ADAMTSL1: variants seen among roughly 807,000 people sequenced by gnomAD.
The protein encoded by ADAMTSL1 is ADAMTS like 1, also known as ADAMTS-like protein 1.
Under a neutral mutation model 201.8 loss-of-function variants are expected in ADAMTSL1, and 126 were observed. The ratio of observed to expected loss-of-function variants is 0.62; its 90% CI spans 0.54 to 0.72. The LOEUF (loss-of-function observed/expected upper bound fraction) is 0.72, where lower values mean the gene tolerates loss of function less well. ADAMTSL1 is among the 30% of genes least tolerant of loss of function. ADAMTSL1 has a pLI of 0.00. For missense variants in ADAMTSL1, 2,679 were observed against 2,277.8 expected (o/e 1.18, Z -3.59); for synonymous variants, 1,121 against 903.4 (o/e 1.24, Z -4.32).
At chr9:18,067,401 C>CTCTTCCTCCACCTCG (rs1336433782) in intron 1 of ADAMTSL1, among the ~76,000 whole-genome samples, 2 of 152,202 alleles carry the variant, frequency 1.3e-5, no homozygotes, top group Non-Finnish European at 2.9e-5. Context: ...CCTCCACCTC[C>CTCTTCCTCCACCTCG]TCTTCCTCAT....
chr9:18,857,093 G>A (rs1043164349), intron 23 of ADAMTSL1, among the ~76,000 whole-genome samples: 2 of 152,066 alleles, frequency 1.3e-5, no homozygotes, highest in African/African-American at 4.8e-5. Context: ...TTTGAGACAC[G>A]AGTTTCAAGA....
intron 2 of ADAMTSL1, among the ~76,000 whole-genome samples, chr9:18,438,249 G>A (rs1484863025): frequency 2.0e-5 from 3 of 151,880 alleles, no homozygotes; most frequent in African/African-American, 7.3e-5. Context: ...GGATAGGAAT[G>A]ATAAGAGAAA....
chr9:18,699,791 A>G (rs1217530825), intron 13 of ADAMTSL1, among the ~76,000 whole-genome samples: 1 of 152,040 alleles, frequency 6.6e-6, no homozygotes, highest in Non-Finnish European at 1.5e-5. Flanking sequence ...TATATTTTTG[A>G]TTATTCTCCT....
intron 2 of ADAMTSL1, among the ~76,000 whole-genome samples, chr9:18,350,760 A>G (rs779399671): frequency 6.6e-6 from 1 of 152,150 alleles, no homozygotes; most frequent in Non-Finnish European, 1.5e-5. Flanking sequence ...CAGAGACCTC[A>G]TGTTATTAGA....
chr9:18,477,021 G>A lies in ADAMTSL1; in HGVS notation c.63+2726G>A, dbSNP rs144132975. ...ACTTATATCATAAATTTATATTCTGGACACAGTAGGACAGTAGTACTGATC... is the reference window on the plus strand; with the variant it reads ...ACTTATATCATAAATTTATATTCTGAACACAGTAGGACAGTAGTACTGATC... On this transcript the variant is annotated intron_variant, in intron 1 of 28. Transcript: ENST00000380548. Among the ~76,000 whole-genome samples the A allele has an allele frequency of 2.3e-3, 350 of 152,144 alleles. 1 individual carries two copies. Among genetic ancestry groups the A allele is most frequent in the African/African-American group, 8.1e-3 (335 of 41,504 alleles).
At chr9:18,479,275 A>G (rs1042458177) in intron 1 of ADAMTSL1, among the ~76,000 whole-genome samples, 1 of 152,264 alleles carries the variant, frequency 6.6e-6, no homozygotes, top group East Asian at 1.9e-4. Context: ...GGCCACGTCA[A>G]GAAGATGCCC....
intron 15 of ADAMTSL1, among the ~76,000 whole-genome samples, chr9:18,749,643 G>T (rs145674124): frequency 8.5e-4 from 129 of 152,280 alleles, no homozygotes; most frequent in African/African-American, 2.9e-3. Context: ...GGCACAGAAC[G>T]CACGGAATAG....
chr9:18,285,755 A>G (rs1304197490), intron 2 of ADAMTSL1, among the ~76,000 whole-genome samples: 1 of 151,736 alleles, frequency 6.6e-6, no homozygotes, highest in Non-Finnish European at 1.5e-5. Context: ...TATTATTTTT[A>G]CCTTTGATAT....
chr9:18,371,312 A>AT (rs1440611257), intron 2 of ADAMTSL1, among the ~76,000 whole-genome samples: 1 of 152,206 alleles, frequency 6.6e-6, no homozygotes, highest in African/African-American at 2.4e-5. Flanking sequence ...AGAATAATAC[A>AT]TTCTGATAAA....
In ADAMTSL1 at chr9:18,354,231, A is replaced by G. The variant is rs186416353; in HGVS notation, c.208-150598A>G. The stretch of plus-strand genomic sequence containing the variant: ...GTGCTCCCTTGTATAAATGTACCAT[A>G]ATTTAATTAACTAGTCATTTATTGA... On this transcript the variant is annotated intron_variant, in intron 2 of 29. Transcript: ENST00000680146. Among the ~76,000 whole-genome samples, 6 of 151,944 alleles carry G rather than the reference A, an allele frequency of 3.9e-5. No individual in the cohort carries two copies. The East Asian group carries it at 9.7e-4, about 24-fold the overall frequency.
intron 1 of ADAMTSL1, among the ~76,000 whole-genome samples, chr9:17,952,917 CCCTCCTCCT>C (rs59567399): frequency 6.9e-4 from 101 of 146,070 alleles, no homozygotes; most frequent in African/African-American, 1.7e-3. Context: ...TTCCTCCTTT[CCCTCCTCCT>C]CCTCCTCCTC....
At chr9:18,670,844 G>A (rs182362116) in intron 9 of ADAMTSL1, among the ~76,000 whole-genome samples, 1 of 152,184 alleles carries the variant, frequency 6.6e-6, no homozygotes, top group African/African-American at 2.4e-5. Context: ...AGTATCCATG[G>A]GGGATTGGTT....
chr9:18,523,549 T>G (rs1818837385), intron 2 of ADAMTSL1, among the ~76,000 whole-genome samples: 2 of 152,174 alleles, frequency 1.3e-5, no homozygotes, highest in African/African-American at 4.8e-5. Context: ...TGCCTAGGTT[T>G]TCTTCTAGGG....
chr9:18,166,818 T>C (rs926508905), intron 2 of ADAMTSL1, among the ~76,000 whole-genome samples: 2 of 152,054 alleles, frequency 1.3e-5, no homozygotes, highest in Non-Finnish European at 2.9e-5. Flanking sequence ...GCCTTATTTG[T>C]GGCACGCTTT....
chr9:18,245,077 G>A (rs1188793363), intron 2 of ADAMTSL1, among the ~76,000 whole-genome samples: 1 of 152,114 alleles, frequency 6.6e-6, no homozygotes, highest in African/African-American at 2.4e-5. Context: ...ACAAGTTAAG[G>A]TCTGTTGAGC....
At chr9:18,763,040 A>G (rs1423831472) in intron 16 of ADAMTSL1, among the ~76,000 whole-genome samples, 1 of 152,158 alleles carries the variant, frequency 6.6e-6, no homozygotes. Context: ...TGATTGCTAG[A>G]TCATACGGTA....
chr9:18,256,460 A>G (rs542786547), intron 2 of ADAMTSL1, among the ~76,000 whole-genome samples: 1 of 152,340 alleles, frequency 6.6e-6, no homozygotes, highest in South Asian at 2.1e-4. Flanking sequence ...GTTGGAGGAT[A>G]TAGATGCTTA....
intron 2 of ADAMTSL1, among the ~76,000 whole-genome samples, chr9:18,434,918 A>G (rs1819658277): frequency 6.6e-6 from 1 of 152,216 alleles, no homozygotes; most frequent in Non-Finnish European, 1.5e-5. Context: ...GTCTAAGTCA[A>G]CTACTAGACT....
chr9:18,074,473 T>G (rs940841196), intron 1 of ADAMTSL1, among the ~76,000 whole-genome samples: 10 of 48,190 alleles, frequency 2.1e-4, no homozygotes, highest in African/African-American at 6.7e-4. Flanking sequence ...CACACTGTGT[T>G]TTCTTTTCTT....
Sources: gnomAD v4.1 joint callset for allele counts (sites outside exome capture counted in the v4.1 genomes callset) on GRCh38, gnomAD v4.1.1 for gene constraint, MANE v1.5 for transcripts, NCBI Gene and HGNC (gene_info 2026-07-23, HGNC 2026-07-21) for gene names.